ADGRA2: variants seen among roughly 807,000 people sequenced by gnomAD.
ADGRA2 encodes the protein adhesion G protein-coupled receptor A2.
Under a neutral mutation model 98.7 loss-of-function variants are expected in ADGRA2, and 61 were observed. The ratio of observed to expected loss-of-function variants is 0.62; its 90% CI spans 0.50 to 0.76. ADGRA2 has a LOEUF of 0.76. ADGRA2 is among the 30% of genes least tolerant of loss of function. The pLI is 0.00. For missense variants in ADGRA2, 1,712 were observed against 1,860.0 expected (o/e 0.92, Z 1.46); for synonymous variants, 858 against 831.5 (o/e 1.03, Z -0.55).
Position 37,841,488 on chromosome 8 carries a change from C to T in ADGRA2, c.3150C>T (p.Cys1050=), listed in dbSNP as rs762400101. ...AGCGCTGGCTGCCCCGGGTGGTGTG[C>T]AGCTGCTTGTACGGGGTGGCAGCCT... ...VSQRWLPRVV[C]SCLYGVAASA... is the part of the protein sequence containing the mutation. The change falls in exon 19 of 19, where the codon TGC becomes TGT. Residue 1050 remains cysteine, a synonymous_variant. Coordinates refer to ENST00000412232, the MANE Select transcript of ADGRA2 (RefSeq NM_032777.10). The surrounding 1 kb of genome is among the most constrained non-coding windows in gnomAD (Gnocchi z 5.0). 1.9e-6 allele frequency: 3 copies of T among 1,612,994 alleles called. No individual in the cohort carries two copies. The highest frequency in any genetic ancestry group is 1.1e-5 in the South Asian group (1 of 91,008).
At position 37,831,567 on chromosome 8, in the gene ADGRA2, C is replaced by T. The variant is rs201521938; in HGVS notation, c.1077C>T (p.Ala359=). Residue 359 remains alanine (A), a synonymous_variant, in exon 8 of 19, where the codon GCC becomes GCT. Transcript: ENST00000412232. ...CCTACTGCCCCGCCGAGCGTGTTGC[C>T]AACAACCGCGGGGACTTCAGGTTTG... The part of the protein sequence containing the change: ...SASYCPAERV[A]NNRGDFRWPR... The T allele has an allele frequency of 1.9e-5, 30 of 1,613,708 alleles. No homozygotes were observed. Among genetic ancestry groups the T allele is most frequent in the Middle Eastern group, 1.6e-4 (1 of 6,084 alleles).
intron 11 of ADGRA2, 52 bp from the exon 12 acceptor site, chr8:37,835,122 A>G: frequency 7.2e-7 from 1 of 1,379,392 alleles, no homozygotes; most frequent in South Asian, 1.2e-5. Flanking sequence ...GTGCAGTCCC[A>G]AGCAGAAGGC....
chr8:37,835,516 G>T (rs1412311775), intron 12 of ADGRA2, 38 bp from the exon 13 acceptor site: 1 of 1,503,588 alleles, frequency 6.7e-7, no homozygotes, highest in African/African-American at 1.4e-5. Flanking sequence ...TGCTCTAGGG[G>T]GTCCTGGTGT....
intron 3 of ADGRA2, 61 bp from the exon 4 acceptor site, chr8:37,829,200 C>A: frequency 7.7e-7 from 1 of 1,303,806 alleles, no homozygotes; most frequent in Non-Finnish European, 1.1e-6. Context: ...ATGTGTTCCT[C>A]ACAAGTGGAC....
Position 37,797,825 on chromosome 8 carries a change from C to T in ADGRA2, c.266+291C>T, listed in dbSNP as rs141389785. 1.3e-5 allele frequency among the ~76,000 whole-genome samples: 2 copies of T among 152,306 alleles called. No homozygotes were observed. Among genetic ancestry groups the T allele is most frequent in the Non-Finnish European group, 2.9e-5 (2 of 68,016 alleles). ...AGTGGAGAGCACGCCTGCAGGGCAC[C>T]CACGCCCCGGATTTCCAGCCTGGAC... On this transcript the variant is annotated intron_variant, in intron 1 of 18. Coordinates refer to ENST00000412232, the MANE Select transcript of ADGRA2 (RefSeq NM_032777.10). The surrounding 1 kb of genome is among the most constrained non-coding windows in gnomAD (Gnocchi z 5.3).
intron 1 of ADGRA2, among the ~76,000 whole-genome samples, chr8:37,805,867 TCAAA>T (rs1247770859): frequency 6.6e-6 from 1 of 151,958 alleles, no homozygotes; most frequent in Non-Finnish European, 1.5e-5. Context: ...AGACTCCTTC[TCAAA>T]CAAAAACAAA....
Position 37,797,176 on chromosome 8 carries a change from C to T in ADGRA2, c.-93C>T. The T allele has an allele frequency of 9.8e-7, 1 of 1,021,466 alleles. No homozygotes were observed. Among genetic ancestry groups the T allele is most frequent in the Non-Finnish European group, 1.2e-6 (1 of 811,644 alleles). 63.3% of individuals were successfully genotyped at this position (1,021,466 alleles called of 1,614,324 possible). On this transcript the variant is annotated 5_prime_UTR_variant, in exon 1 of 19. Coordinates refer to ENST00000412232, the MANE Select transcript of ADGRA2 (RefSeq NM_032777.10). This position sits in a 1 kb window ranked among gnomAD's most constrained non-coding sequence, Gnocchi z 5.3. ...CCTCCACGCCCTCGGGAGCCCCGGG[C>T]CCCCGCTGAGCACTCCTCCCGCACG...
Position 37,830,613 on chromosome 8 carries a change from C to G in ADGRA2, c.719-97C>G. On this transcript the variant is annotated intron_variant, in intron 6 of 18. Transcript: ENST00000412232. The surrounding 1 kb of genome is among the most constrained non-coding windows in gnomAD (Gnocchi z 4.8). ...TGGAGCAGGCTGCAGGCCGAGGGCC[C>G]CGCCCCGCCCCACCCCATCCTGCTG... 1.9e-6 allele frequency: 1 copy of G among 523,888 alleles called. No homozygotes were observed. The allele number at this position is 523,888 out of a possible 1,614,324, so 32.5% of individuals were successfully genotyped here.
chr8:37,844,498 G>C lies in ADGRA2; in HGVS notation c.*2143G>C. On this transcript the variant is annotated 3_prime_UTR_variant, in exon 19 of 19. Transcript: ENST00000412232. ...CTCCCAGTGGATATCCATCAGGGAG[G>C]GTTAGGGACACTCGTGGCAGCCTGT... The C allele has an allele frequency of 1.2e-6, 2 of 1,612,750 alleles. No individual in the cohort carries two copies. The highest frequency in any genetic ancestry group is 1.7e-6 in the Non-Finnish European group (2 of 1,179,848).
intron 2 of ADGRA2, among the ~76,000 whole-genome samples, chr8:37,823,891 A>C (rs577959006): frequency 6.6e-6 from 1 of 152,006 alleles, no homozygotes; most frequent in Non-Finnish European, 1.5e-5. Context: ...ATTTTTTTCA[A>C]CTGGGTTATT....
rs548688025 is a variant in ADGRA2, at chr8:37,830,997, A to G, written c.932+74A>G. The G allele has an allele frequency of 5.7e-5, 62 of 1,094,264 alleles. No homozygotes were observed. The South Asian group carries it at 8.6e-4, about 15-fold the overall frequency. The allele number at this position is 1,094,264 out of a possible 1,614,324, so 67.8% of individuals were successfully genotyped here. ...CCTACCCTACCCGTCACCACCCCGCAAAAGAGCTGCCCCCAGATGTGTTCC... is the reference window on the plus strand; with the variant it reads ...CCTACCCTACCCGTCACCACCCCGCGAAAGAGCTGCCCCCAGATGTGTTCC... On this transcript the variant is annotated intron_variant, in intron 7 of 18. Transcript: ENST00000412232. This position sits in a 1 kb window ranked among gnomAD's most constrained non-coding sequence, Gnocchi z 4.8.
intron 2 of ADGRA2, among the ~76,000 whole-genome samples, chr8:37,824,617 C>G (rs1228992608): frequency 6.6e-6 from 1 of 151,802 alleles, no homozygotes; most frequent in East Asian, 1.9e-4. Flanking sequence ...CCTCAGCCTC[C>G]TGAATAGCTG....
chr8:37,813,504 C>CGT (rs576097673), intron 1 of ADGRA2, among the ~76,000 whole-genome samples: 24 of 152,118 alleles, frequency 1.6e-4, no homozygotes, highest in South Asian at 6.2e-4. Context: ...CAACATTGTG[C>CGT]GTGTGTGTGT....
At position 37,801,395 on chromosome 8, in the gene ADGRA2, G is replaced by T. The variant is rs537241617; in HGVS notation, c.266+3861G>T. On this transcript the variant is annotated intron_variant, in intron 1 of 18. Transcript: ENST00000412232. ...TTTGTGGGCCTCCCCCAGGGAAAAG[G>T]TCCCACGGGGGGTGGCTTATGACAG... 9.8e-5 allele frequency among the ~76,000 whole-genome samples: 15 copies of T among 152,292 alleles called. No homozygotes were observed. In the East Asian group the frequency reaches 2.9e-3, roughly 30 times the overall value.
At chr8:37,840,872 C>A in intron 18 of ADGRA2, 23 bp downstream of exon 18, 1 of 1,336,300 alleles carries the variant, frequency 7.5e-7, no homozygotes, top group Non-Finnish European at 1.1e-6. Context: ...CCCTCCCGCC[C>A]CAAGCCTACC....
intron 1 of ADGRA2, among the ~76,000 whole-genome samples, chr8:37,812,359 G>A (rs1044156551): frequency 6.6e-6 from 1 of 152,016 alleles, no homozygotes; most frequent in African/African-American, 2.4e-5. Flanking sequence ...TGGGCGCGGT[G>A]GCTCACGCCT....
At chr8:37,835,125 C>T (rs1397850922) in intron 11 of ADGRA2, 49 bp from the exon 12 acceptor site, 1 of 1,396,358 alleles carries the variant, frequency 7.2e-7, no homozygotes, top group South Asian at 1.2e-5. Flanking sequence ...CAGTCCCAAG[C>T]AGAAGGCCAC....
At chr8:37,800,803 G>C (rs1297901822) in intron 1 of ADGRA2, among the ~76,000 whole-genome samples, 1 of 152,124 alleles carries the variant, frequency 6.6e-6, no homozygotes, top group African/African-American at 2.4e-5. Flanking sequence ...CTCCTCCTTC[G>C]TACTTTATTT....
rs1805846944 is a variant in ADGRA2, at chr8:37,842,716, C to G, written c.*361C>G. On this transcript the variant is annotated 3_prime_UTR_variant, in exon 19 of 19. Transcript: ENST00000412232. ...TGCGGCCTCACTGGGGGCCATCAGCCTCACCAGCAAAGCAGAGATGAGAGC... is the reference window on the plus strand; with the variant it reads ...TGCGGCCTCACTGGGGGCCATCAGCGTCACCAGCAAAGCAGAGATGAGAGC... 1.4e-5 allele frequency: 3 copies of G among 217,022 alleles called. No homozygotes were observed. In the South Asian group the frequency reaches 5.1e-4, roughly 37 times the overall value. 13.4% of individuals were successfully genotyped at this position (217,022 alleles called of 1,614,324 possible).
Sources: allele counts gnomAD v4.1 joint callset (sites outside exome capture counted in the v4.1 genomes callset), GRCh38; gene constraint gnomAD v4.1.1; non-coding constraint Gnocchi (gnomAD v3.1); transcripts MANE v1.5; gene names NCBI Gene and HGNC (gene_info 2026-07-23, HGNC 2026-07-21).